The following PCDHA10 variants were observed in gnomAD, a reference collection of about 807,000 sequenced individuals.
The protein encoded by PCDHA10 is protocadherin alpha-10.
A neutral mutation model predicts 61.2 loss-of-function variants in PCDHA10; 45 were observed. The observed-to-expected ratio is 0.74, with a 90% CI of 0.58 to 0.94. PCDHA10 has a LOEUF of 0.94. Ranked by LOEUF, PCDHA10 falls within the 40% of genes least tolerant of loss-of-function variation. PCDHA10 has a pLI of 0.00. For missense variants in PCDHA10, 1,278 were observed against 1,236.2 expected (o/e 1.03, Z -0.51); for synonymous variants, 602 against 548.8 (o/e 1.10, Z -1.35).
intron 3 of PCDHA10, among the ~76,000 whole-genome samples, chr5:140,999,223 G>A (rs1554256702): frequency 3.3e-5 from 5 of 152,316 alleles, no homozygotes; most frequent in African/African-American, 1.2e-4. Flanking sequence ...TACTACATTT[G>A]AGAATAGGTG....
chr5:140,898,153 G>C (rs1379342887), intron 1 of PCDHA10, among the ~76,000 whole-genome samples: 3 of 152,182 alleles, frequency 2.0e-5, no homozygotes, highest in South Asian at 2.1e-4. Context: ...TGTTCACGCT[G>C]ATGGTGGTTT....
chr5:140,871,966 C>G (rs1210672603), intron 1 of PCDHA10, among the ~76,000 whole-genome samples: 2 of 152,204 alleles, frequency 1.3e-5, no homozygotes, highest in African/African-American at 4.8e-5. Context: ...AGGAGGTCTT[C>G]CTATGATGTC....
chr5:140,967,299 G>T, intron 1 of PCDHA10: 3 of 1,612,674 alleles, frequency 1.9e-6, no homozygotes, highest in Non-Finnish European at 2.5e-6. Flanking sequence ...CCCGACGTGG[G>T]CGCCAACTCA....
chr5:140,928,109 A>G (rs1472439079), intron 1 of PCDHA10: 1 of 1,614,104 alleles, frequency 6.2e-7, no homozygotes, highest in Middle Eastern at 1.6e-4. Flanking sequence ...CTGGACCGGG[A>G]GCAGATCAGT....
intron 1 of PCDHA10, among the ~76,000 whole-genome samples, chr5:140,886,080 C>A (rs910230815): frequency 3.7e-4 from 56 of 152,268 alleles, no homozygotes; most frequent in African/African-American, 1.2e-3. Flanking sequence ...CATACCACAA[C>A]CTGGATATTG....
At position 140,940,270 on chromosome 5, in the gene PCDHA10, G is replaced by A. The variant is rs1236320412; in HGVS notation, c.2389-38679G>A. Among the ~76,000 whole-genome samples, 4 of 152,094 alleles carry A rather than the reference G, an allele frequency of 2.6e-5. No homozygotes were observed. In the East Asian group the frequency reaches 7.7e-4, roughly 29 times the overall value. ...TCCTCAATATCTTCTGGGTTCCACT[G>A]TTGTCTCATTGTGCTGCTTCATCAG... On this transcript the variant is annotated intron_variant, in intron 1 of 3. Transcript: ENST00000307360.
At chr5:140,900,498 A>G (rs1554189212) in intron 1 of PCDHA10, among the ~76,000 whole-genome samples, 1 of 152,172 alleles carries the variant, frequency 6.6e-6, no homozygotes, top group Non-Finnish European at 1.5e-5. Context: ...ACTGGTCTCA[A>G]ATTCCCAGCC....
At chr5:140,862,775 A>C (rs1480702653) in intron 1 of PCDHA10, 4 of 576,960 alleles carry the variant, frequency 6.9e-6, no homozygotes, top group Non-Finnish European at 1.3e-5. Flanking sequence ...TACGCGTTGC[A>C]GCCACTGGAC....
intron 1 of PCDHA10, chr5:140,928,975 T>C (rs2085693610): frequency 1.9e-6 from 3 of 1,613,806 alleles, no homozygotes; most frequent in African/African-American, 1.3e-5. Context: ...TTCCTTTTTA[T>C]TTCTGGGGTG....
intron 1 of PCDHA10, chr5:140,876,117 C>G: frequency 6.2e-7 from 1 of 1,613,922 alleles, no homozygotes; most frequent in East Asian, 2.2e-5. Context: ...TGATGGTAAT[C>G]GATGGCGGTA....
intron 1 of PCDHA10, among the ~76,000 whole-genome samples, chr5:140,971,278 ATATTAATATG>A (rs1408088373): frequency 6.6e-6 from 1 of 152,208 alleles, no homozygotes; most frequent in African/African-American, 2.4e-5. Context: ...ACTGACCTGT[ATATTAATATG>A]TACTTTGGTA....
chr5:140,966,694 C>T, intron 1 of PCDHA10: 1 of 1,358,670 alleles, frequency 7.4e-7, no homozygotes, highest in Non-Finnish European at 9.5e-7. Context: ...GAGGCGGGGC[C>T]CGGGCGTGGG....
chr5:140,964,133 G>A (rs2095812042), intron 1 of PCDHA10, among the ~76,000 whole-genome samples: 1 of 152,182 alleles, frequency 6.6e-6, no homozygotes, highest in African/African-American at 2.4e-5. Context: ...AACTAGTAAG[G>A]TTGGCAGGAG....
At chr5:140,941,286 CTCTTTCTT>C (rs5871754) in intron 1 of PCDHA10, among the ~76,000 whole-genome samples, 8 of 106,846 alleles carry the variant, frequency 7.5e-5, no homozygotes, top group East Asian at 5.2e-4. Context: ...TCCTTCCTTT[CTCTTTCTT>C]TCTTTCTTTC....
At chr5:140,859,421 T>A in intron 1 of PCDHA10, 1 of 232,516 alleles carries the variant, frequency 4.3e-6, no homozygotes, top group Non-Finnish European at 8.1e-6. Flanking sequence ...TGATATAGAC[T>A]CAGAAATGAA....
At chr5:140,907,564 C>A (rs782642591) in intron 1 of PCDHA10, among the ~76,000 whole-genome samples, 1 of 152,228 alleles carries the variant, frequency 6.6e-6, no homozygotes, top group African/African-American at 2.4e-5. Flanking sequence ...ATATAATCAA[C>A]TTGCCACCAG....
In PCDHA10 at chr5:140,870,550, G is replaced by A. The variant is rs371515299; in HGVS notation, c.2388+12114G>A. On this transcript the variant is annotated intron_variant, in intron 1 of 3. Transcript: ENST00000307360. ...CACAGTGTCGGCGCGGGACGCGGAC[G>A]CGCAGGAGAACGCGCTGGTGTCCTA... 3.1e-6 allele frequency: 5 copies of A among 1,614,066 alleles called. No homozygotes were observed. In the African/African-American group the frequency reaches 6.7e-5, roughly 22 times the overall value.
intron 1 of PCDHA10, among the ~76,000 whole-genome samples, chr5:140,886,827 G>GAA (rs782016620): frequency 3.1e-4 from 19 of 60,896 alleles, no homozygotes; most frequent in South Asian, 5.9e-4. Context: ...ACTTCGTCTT[G>GAA]AAAAAAAAAA....
At chr5:141,008,431 C>T (rs1192058423) in intron 3 of PCDHA10, among the ~76,000 whole-genome samples, 1 of 152,140 alleles carries the variant, frequency 6.6e-6, no homozygotes, top group Non-Finnish European at 1.5e-5. Flanking sequence ...GATCACTTTG[C>T]CCAGACAGAC....
Sources: allele counts gnomAD v4.1 joint callset (sites outside exome capture counted in the v4.1 genomes callset), GRCh38; gene constraint gnomAD v4.1.1; transcripts MANE v1.5; gene names NCBI Gene and HGNC (gene_info 2026-07-23, HGNC 2026-07-21).